Variants in APBB2 observed in about 807,000 individuals in gnomAD.
The protein encoded by APBB2 is Fe65-like 1.
APBB2 carries 38 observed loss-of-function variants against 82.5 expected under a neutral mutation model. That is an observed-to-expected ratio of 0.46 (90% CI 0.36 to 0.60). The LOEUF (loss-of-function observed/expected upper bound fraction) is 0.60. APBB2 is among the 20% of genes least tolerant of loss of function. The pLI, the probability that APBB2 is intolerant of heterozygous loss-of-function variation, is 0.00. For missense variants in APBB2, 772 were observed against 972.3 expected, an observed-to-expected ratio of 0.79 and a Z score of 2.74; for synonymous variants, 341 against 368.2, an observed-to-expected ratio of 0.93 and a Z score of 0.85.
chr4:41,020,771 C>A (rs1482658531), intron 5 of APBB2, among the ~76,000 whole-genome samples: 1 of 152,242 alleles, frequency 6.6e-6, no homozygotes, highest in African/African-American at 2.4e-5. Context: ...ATAATGAAAC[C>A]TATCCTTACT....
intron 6 of APBB2, among the ~76,000 whole-genome samples, chr4:40,991,010 C>CTTTTTTTTTCT (rs1491223078): frequency 7.8e-6 from 1 of 128,652 alleles, no homozygotes; most frequent in East Asian, 2.8e-4. Flanking sequence ...GACTGAGTTT[C>CTTTTTTTTTCT]ATTTTTTTTT....
intron 1 of APBB2, among the ~76,000 whole-genome samples, chr4:41,167,491 G>GCT (rs1766979871): frequency 6.6e-6 from 1 of 152,142 alleles, no homozygotes; most frequent in African/African-American, 2.4e-5. Context: ...GGTTTTAGGA[G>GCT]CTCTGTGACA....
intron 4 of APBB2, among the ~76,000 whole-genome samples, chr4:41,056,112 G>A (rs1182230924): frequency 6.6e-6 from 1 of 151,990 alleles, no homozygotes; most frequent in African/African-American, 2.4e-5. Flanking sequence ...CCTGGGAAGC[G>A]GAAGTTGCAG....
At chr4:40,848,755 G>C (rs1393076309) in intron 12 of APBB2, among the ~76,000 whole-genome samples, 1 of 137,900 alleles carries the variant, frequency 7.3e-6, no homozygotes, top group South Asian at 2.7e-4. Context: ...CACTGGGACC[G>C]TTTTGCTCCG....
chr4:40,857,802 G>C (rs112136368), intron 12 of APBB2, among the ~76,000 whole-genome samples: 7,106 of 151,960 alleles, frequency 0.047, 205 homozygotes, highest in Non-Finnish European at 0.072. Context: ...GGGGCGAGTG[G>C]GGGAAATGGG....
chr4:41,182,112 T>C (rs1479955189), intron 1 of APBB2, among the ~76,000 whole-genome samples: 1 of 152,166 alleles, frequency 6.6e-6, no homozygotes, highest in African/African-American at 2.4e-5. Flanking sequence ...TTTCCATCTC[T>C]AGCATCCTAG....
At chr4:40,874,720 G>C (rs78168062) in intron 12 of APBB2, among the ~76,000 whole-genome samples, 2,234 of 152,258 alleles carry the variant, frequency 0.015, 36 homozygotes, top group African/African-American at 0.04. Context: ...GGACAGCTCA[G>C]ACCCTTCAAC....
intron 6 of APBB2, among the ~76,000 whole-genome samples, chr4:40,948,211 C>T (rs538516271): frequency 3.3e-5 from 5 of 152,096 alleles, no homozygotes; most frequent in South Asian, 2.1e-4. Context: ...GGAAGTATGC[C>T]GAGTGAAGAC....
At chr4:41,179,516 A>C (rs1770763092) in intron 1 of APBB2, among the ~76,000 whole-genome samples, 1 of 152,196 alleles carries the variant, frequency 6.6e-6, no homozygotes. Context: ...GCCCTTCTCA[A>C]ACTTGTCAGC....
intron 2 of APBB2, among the ~76,000 whole-genome samples, chr4:41,105,494 C>CATTTGATATA (rs1331651364): frequency 3.0e-4 from 46 of 152,172 alleles, no homozygotes; most frequent in African/African-American, 9.9e-4. Flanking sequence ...ATCATTATAT[C>CATTTGATATA]AAATGCACAA....
intron 11 of APBB2, 167 bp downstream of exon 11, chr4:40,893,098 G>A: frequency 1.4e-6 from 1 of 711,768 alleles, no homozygotes; most frequent in South Asian, 2.2e-5. Context: ...AGTGCTAAGG[G>A]ATCAGTCACA....
At chr4:41,046,594 T>TAA (rs5857769) in intron 4 of APBB2, among the ~76,000 whole-genome samples, 19 of 149,698 alleles carry the variant, frequency 1.3e-4, no homozygotes, top group East Asian at 5.8e-4. Flanking sequence ...TTCTCCAGTT[T>TAA]AAAAAAAAAA....
At chr4:41,048,504 A>G (rs1393130602) in intron 4 of APBB2, among the ~76,000 whole-genome samples, 1 of 152,202 alleles carries the variant, frequency 6.6e-6, no homozygotes, top group Non-Finnish European at 1.5e-5. Flanking sequence ...TCCTCATTTT[A>G]TAGATGTCAT....
Position 40,826,998 on chromosome 4 carries a change from G to T in APBB2, c.1732+134C>A. The T allele has an allele frequency of 1.3e-6, 1 of 764,732 alleles. No individual in the cohort carries two copies. Among genetic ancestry groups the T allele is most frequent in the Non-Finnish European group, 2.2e-6 (1 of 456,948 alleles). 47.4% of individuals were successfully genotyped at this position (764,732 alleles called of 1,614,324 possible). On this transcript the variant is annotated intron_variant, in intron 14 of 17. Transcript: ENST00000508593. This position sits in a 1 kb window ranked among gnomAD's most constrained non-coding sequence, Gnocchi z 4.5. ...GTGCCTCTGTGAGACCCAGCGTGCA[G>T]GCTCAACTTGTGCTTACTGAGTTGA...
chr4:41,203,319 A>G (rs1033603001), intron 1 of APBB2, among the ~76,000 whole-genome samples: 3 of 152,228 alleles, frequency 2.0e-5, no homozygotes, highest in African/African-American at 7.2e-5. Context: ...TCATGAGACA[A>G]TGATACATAA....
At chr4:40,831,598 C>T (rs1217956670) in intron 12 of APBB2, among the ~76,000 whole-genome samples, 1 of 152,002 alleles carries the variant, frequency 6.6e-6, no homozygotes, top group South Asian at 2.1e-4. Context: ...AGTGGCGCAG[C>T]GGAAGCAAAC....
chr4:40,979,235 T>C lies in APBB2; in HGVS notation c.836-34162A>G, dbSNP rs181760812. On this transcript the variant is annotated intron_variant, in intron 6 of 17. Coordinates refer to ENST00000508593, the MANE Select transcript of APBB2 (RefSeq NM_004307.2). ...TGAGATCTCTAGAAATTAATATTTT[T>C]ATGGAGTTGCTAGCAACTAAAAGAC... is the stretch of plus-strand genomic sequence containing the variant. Among the ~76,000 whole-genome samples the C allele has an allele frequency of 1.9e-3, 283 of 152,314 alleles. 1 individual carries two copies. The highest frequency in any genetic ancestry group is 3.0e-3 in the Non-Finnish European group (206 of 68,024).
intron 1 of APBB2, among the ~76,000 whole-genome samples, chr4:41,188,833 G>C (rs1021305512): frequency 6.6e-6 from 1 of 152,072 alleles, no homozygotes; most frequent in Non-Finnish European, 1.5e-5. Context: ...AGGTTTGCTT[G>C]AGCCTGGGAG....
chr4:40,928,413 CACACACACACACACA>C (rs1469290285), intron 10 of APBB2, among the ~76,000 whole-genome samples: 130 of 70,096 alleles, frequency 1.9e-3, no homozygotes, highest in African/African-American at 6.3e-3. Context: ...CACACACACA[CACACACACACACACA>C]ATCAGCCAGG....
Sources: gnomAD v4.1 joint callset for allele counts (sites outside exome capture counted in the v4.1 genomes callset) on GRCh38, gnomAD v4.1.1 for gene constraint, Gnocchi (gnomAD v3.1) non-coding constraint, MANE v1.5 for transcripts, NCBI Gene and HGNC (gene_info 2026-07-23, HGNC 2026-07-21) for gene names.